Variants in ENPP3 observed in about 807,000 individuals in gnomAD.
The protein encoded by ENPP3 is ectonucleotide pyrophosphatase/phosphodiesterase family member 3.
A neutral mutation model predicts 117.8 loss-of-function variants in ENPP3; 104 were observed. That is an observed-to-expected ratio of 0.88 (90% confidence interval 0.75 to 1.04). ENPP3 has a LOEUF of 1.04. Among genes scored for constraint, ENPP3 ranks in the 50% least tolerant of loss-of-function variants. ENPP3 has a pLI of 0.00. For synonymous variants in ENPP3, 380 were observed against 349.9 expected (o/e 1.09, Z -0.96); for missense variants, 1,026 against 1,051.9 (o/e 0.98, Z 0.34).
intron 8 of ENPP3, 28 bp from the exon 9 acceptor site, chr6:131,675,052 C>T (rs1178857031): frequency 7.2e-7 from 1 of 1,396,736 alleles, no homozygotes; most frequent in African/African-American, 1.4e-5. Context: ...TAATTACTGA[C>T]TTTCGCTTAT....
intron 21 of ENPP3, 133 bp downstream of exon 21, chr6:131,733,856 G>A: frequency 1.1e-6 from 1 of 872,768 alleles, no homozygotes; most frequent in East Asian, 2.5e-5. Context: ...GGCTTCCAGT[G>A]GTTGTGGCTG....
At chr6:131,672,514 A>G (rs1003541389) in intron 7 of ENPP3, among the ~76,000 whole-genome samples, 1 of 152,148 alleles carries the variant, frequency 6.6e-6, no homozygotes, top group Non-Finnish European at 1.5e-5. Context: ...AAAGAAGGTT[A>G]TGTGTTGATC....
chr6:131,738,544 G>C (rs936821061), intron 23 of ENPP3, among the ~76,000 whole-genome samples: 1 of 150,764 alleles, frequency 6.6e-6, no homozygotes, highest in Admixed American at 6.6e-5. Context: ...AATTTTACAA[G>C]AATAGTGAAA....
rs768012291 is a variant in ENPP3, at chr6:131,700,638, A to G, written c.1412+7014A>G. 13 of 1,557,316 alleles carry G rather than the reference A, an allele frequency of 8.3e-6. 2 individuals are homozygous for G. The highest frequency in any genetic ancestry group is 3.5e-4 in the Middle Eastern group (2 of 5,712). On this transcript the variant is annotated intron_variant, in intron 15 of 24. Coordinates refer to ENST00000357639, the MANE Select transcript of ENPP3 (RefSeq NM_005021.5). ...ATATCTGGGTCCAACATACATGATA[A>G]TGGCTGTGCCATAAACGAGTCCAAT...
At chr6:131,682,682 C>G (rs1435983846) in intron 11 of ENPP3, among the ~76,000 whole-genome samples, 1 of 152,082 alleles carries the variant, frequency 6.6e-6, no homozygotes, top group Non-Finnish European at 1.5e-5. Flanking sequence ...TCACATGACC[C>G]TCTGGAATGT....
chr6:131,701,486 T>G (rs1395794589), intron 15 of ENPP3: 3 of 610,712 alleles, frequency 4.9e-6, no homozygotes, highest in Non-Finnish European at 8.9e-6. Context: ...TGTTCGGCAC[T>G]CTTTGGTGAA....
In ENPP3 at chr6:131,693,761, A is replaced by G. The variant is rs1779343045; in HGVS notation, c.1412+137A>G. 6.8e-5 allele frequency: 55 copies of G among 808,426 alleles called. 1 individual carries two copies. In the East Asian group the frequency reaches 1.1e-3, roughly 16 times the overall value. The allele number at this position is 808,426 out of a possible 1,614,324, so 50.1% of individuals were successfully genotyped here. A position where few individuals can be genotyped will look rare whatever the true frequency, so the allele number is the denominator to read the frequency against. Reference sequence around the variant, plus strand: ...ACATTTTCTGGCCTTTTTGTATGCTATTTAGCAGTTCTGCATTTGAAGTGA... The same window carrying G: ...ACATTTTCTGGCCTTTTTGTATGCTGTTTAGCAGTTCTGCATTTGAAGTGA... On this transcript the variant is annotated intron_variant, in intron 15 of 24. Coordinates refer to ENST00000357639, the MANE Select transcript of ENPP3 (RefSeq NM_005021.5).
intron 20 of ENPP3, among the ~76,000 whole-genome samples, chr6:131,732,918 C>T (rs535695857): frequency 1.1e-3 from 159 of 139,234 alleles, no homozygotes; most frequent in African/African-American, 2.9e-3. Context: ...TTAGTAGAGA[C>T]GGGGTTCACC....
chr6:131,733,323 T>C (rs373095527), intron 20 of ENPP3, among the ~76,000 whole-genome samples: 3 of 152,328 alleles, frequency 2.0e-5, no homozygotes, highest in Admixed American at 6.5e-5. Context: ...TTCCCATTAT[T>C]CCTCTGCTCT....
intron 20 of ENPP3, among the ~76,000 whole-genome samples, chr6:131,729,457 C>G (rs2114549683): frequency 6.6e-6 from 1 of 152,310 alleles, no homozygotes; most frequent in East Asian, 1.9e-4. Context: ...ACTAAAAGTA[C>G]AAGCAGCTCA....
chr6:131,656,480 G>C lies in ENPP3; in HGVS notation c.465-1843G>C, dbSNP rs1231176373. Among the ~76,000 whole-genome samples, 3 of 152,082 alleles carry C rather than the reference G, an allele frequency of 2.0e-5. No individual in the cohort carries two copies. The East Asian group carries it at 5.8e-4, about 29-fold the overall frequency. ...ATATTTTGGTCTCCTTTGAAAGTTT[G>C]TCGTAGGCCGGGCATGGTGGCTCAC... On this transcript the variant is annotated intron_variant, in intron 5 of 24. Coordinates refer to ENST00000357639, the MANE Select transcript of ENPP3 (RefSeq NM_005021.5).
intron 5 of ENPP3, among the ~76,000 whole-genome samples, chr6:131,657,088 C>T (rs561369455): frequency 7.9e-5 from 12 of 152,200 alleles, no homozygotes; most frequent in Middle Eastern, 6.8e-3. Flanking sequence ...TTTTCTCATG[C>T]GAATTGCAGT....
chr6:131,738,476 A>G (rs1191856110), intron 23 of ENPP3, among the ~76,000 whole-genome samples: 3 of 152,162 alleles, frequency 2.0e-5, no homozygotes, highest in Non-Finnish European at 2.9e-5. Context: ...TGTACTATCA[A>G]TGAGTATAAA....
intron 1 of ENPP3, among the ~76,000 whole-genome samples, chr6:131,640,198 A>T (rs957073102): frequency 6.6e-6 from 1 of 152,210 alleles, no homozygotes; most frequent in Non-Finnish European, 1.5e-5. Context: ...AAAATATGTT[A>T]ATTTGTAAGT....
intron 15 of ENPP3, among the ~76,000 whole-genome samples, chr6:131,717,769 G>A (rs1207484341): frequency 6.6e-6 from 1 of 152,084 alleles, no homozygotes; most frequent in Non-Finnish European, 1.5e-5. Context: ...TTTTTACCAA[G>A]TACAGTTATG....
chr6:131,652,647 A>G lies in ENPP3; in HGVS notation c.383A>G (p.Asp128Gly), dbSNP rs1778288130. The change falls in exon 4 of 25, where the codon GAC becomes GGC. Residue 128 changes from aspartate to glycine, a missense_variant. Transcript: ENST00000357639. Reference protein sequence around the residue: ...DCLQRKDCCADYKSVCQGETS... With the variant: ...DCLQRKDCCAGYKSVCQGETS... Reference sequence around the variant, plus strand: ...TTGCAGAGGAAAGATTGCTGTGCTGACTATAAGAGTGTTTGCCAAGGTGAG... The same window carrying G: ...TTGCAGAGGAAAGATTGCTGTGCTGGCTATAAGAGTGTTTGCCAAGGTGAG... 6.2e-7 allele frequency: 1 copy of G among 1,613,920 alleles called. No homozygotes were observed. Among genetic ancestry groups the G allele is most frequent in the South Asian group, 1.1e-5 (1 of 91,082 alleles).
At chr6:131,651,703 G>C (rs1778267214) in intron 3 of ENPP3, among the ~76,000 whole-genome samples, 1 of 152,176 alleles carries the variant, frequency 6.6e-6, no homozygotes, top group South Asian at 2.1e-4. Flanking sequence ...GTGAAGATTA[G>C]AATAGTAGAG....
chr6:131,637,330 A>G lies in ENPP3; in HGVS notation c.-55A>G, dbSNP rs918038611. ...CAGTTTCTCTTTGCCAGACTAGACTAAAGAAGGAGCACTAATTTATTCTGA... is the reference window on the plus strand; with the variant it reads ...CAGTTTCTCTTTGCCAGACTAGACTGAAGAAGGAGCACTAATTTATTCTGA... On this transcript the variant is annotated 5_prime_UTR_variant, in exon 1 of 25. Transcript: ENST00000357639. 3.2e-5 allele frequency: 37 copies of G among 1,144,480 alleles called. No individual in the cohort carries two copies. The African/African-American group carries it at 4.9e-4, about 15-fold the overall frequency. The allele number at this position is 1,144,480 out of a possible 1,614,324, so 70.9% of individuals were successfully genotyped here.
chr6:131,724,709 G>A (rs978647680), intron 19 of ENPP3, among the ~76,000 whole-genome samples: 2 of 152,142 alleles, frequency 1.3e-5, no homozygotes, highest in African/African-American at 2.4e-5. Context: ...CTTAGTAAAT[G>A]TACTAGTTGT....
Sources: gnomAD v4.1 joint callset for allele counts (sites outside exome capture counted in the v4.1 genomes callset) on GRCh38, gnomAD v4.1.1 for gene constraint, MANE v1.5 for transcripts, NCBI Gene and HGNC (gene_info 2026-07-23, HGNC 2026-07-21) for gene names.